Variants in RANBP3 observed in about 807,000 individuals in gnomAD.
RANBP3 encodes ran-binding protein 3.
A neutral mutation model predicts 77.3 loss-of-function variants in RANBP3; 14 were observed. That is an observed-to-expected ratio of 0.18 (90% CI 0.12 to 0.28). The LOEUF is 0.28. RANBP3 is among the 10% of genes least tolerant of loss of function. The pLI is 1.00. For synonymous variants in RANBP3, 315 were observed against 312.4 expected (o/e 1.01, Z -0.09); for missense variants, 586 against 752.3 (o/e 0.78, Z 2.59).
In RANBP3 at chr19:5,921,060, C is replaced by T. The variant is rs1011629529; in HGVS notation, c.1330+141G>A. 8 of 1,091,986 alleles carry T rather than the reference C, an allele frequency of 7.3e-6. No individual in the cohort carries two copies. The African/African-American group carries it at 1.1e-4, about 15-fold the overall frequency. The allele number at this position is 1,091,986 out of a possible 1,614,324, so 67.6% of individuals were successfully genotyped here. A position where few individuals can be genotyped will look rare whatever the true frequency, so the allele number is the denominator to read the frequency against. On this transcript the variant is annotated intron_variant, in intron 14 of 16. Coordinates refer to ENST00000340578, the MANE Select transcript of RANBP3 (RefSeq NM_007322.3). This position sits in a 1 kb window ranked among gnomAD's most constrained non-coding sequence, Gnocchi z 5.3. ...TGCAGGGAGGGGGTTTGGGGGGCGG[C>T]TCTCATGGGAGACCGACTCTGTGCC...
At position 5,972,985 on chromosome 19, in the gene RANBP3, C is replaced by T. The variant is rs140653457; in HGVS notation, c.22+5076G>A. Among the ~76,000 whole-genome samples the T allele has an allele frequency of 1.2e-3, 188 of 152,256 alleles. 4 individuals carry two copies. The Middle Eastern group carries it at 0.044, about 36-fold the overall frequency. ...CCCAGTGAGGGCTTTTCTGTCTATA[C>T]GCAGGATCCTGGGCAAAATGGAAAG... On this transcript the variant is annotated intron_variant, in intron 1 of 16. Transcript: ENST00000340578.
chr19:5,950,149 AAAG>A (rs2058257199), intron 3 of RANBP3, among the ~76,000 whole-genome samples: 1 of 152,152 alleles, frequency 6.6e-6, no homozygotes, highest in Admixed American at 6.5e-5. Flanking sequence ...TCTGCCAACA[AAAG>A]AAGGACGCAG....
chr19:5,931,434 G>A lies in RANBP3; in HGVS notation c.663C>T (p.Ser221=), dbSNP rs372606715. 3.7e-5 allele frequency: 60 copies of A among 1,612,540 alleles called. 1 individual carries two copies. Among genetic ancestry groups the A allele is most frequent in the Admixed American group, 5.0e-5 (3 of 59,986 alleles). The change falls in exon 8 of 17, where the codon TCC becomes TCT. Residue 221 remains serine (S), a synonymous_variant. Coordinates refer to ENST00000340578, the MANE Select transcript of RANBP3 (RefSeq NM_007322.3). ...GTGCACACACCTCATCGGCAGCTTC[G>A]GAAGGACTTCTCCATGCAGCAGTGT... ...SPDTAAWRSP[S]EAADEVCALE...
intron 8 of RANBP3, among the ~76,000 whole-genome samples, chr19:5,929,663 C>T (rs2057962020): frequency 6.6e-6 from 1 of 152,228 alleles, no homozygotes; most frequent in African/African-American, 2.4e-5. Flanking sequence ...CCCCCAACAT[C>T]TAAGCCCTCC....
chr19:5,926,860 C>T (rs555880867), intron 9 of RANBP3, among the ~76,000 whole-genome samples: 5 of 152,238 alleles, frequency 3.3e-5, no homozygotes, highest in South Asian at 2.1e-4. Flanking sequence ...TTCTGTTGGA[C>T]GGTGAGTAAC....
Position 5,931,521 on chromosome 19 carries a change from A to G in RANBP3, c.576T>C (p.Ser192=). 1 of 1,607,418 alleles carries G rather than the reference A, an allele frequency of 6.2e-7. No homozygotes were observed. Among genetic ancestry groups the G allele is most frequent in the Non-Finnish European group, 8.5e-7 (1 of 1,175,672 alleles). ...CTGGGAGGCTGACCCCGTTGGTGCC[A>G]CTGCTGGGGACTGTGGGAGGGAAGG... ...PKALSQTVPS[S]GTNGVSLPAD... The change falls in exon 8 of 17, where the codon AGT becomes AGC. Residue 192 remains serine, a synonymous_variant. Coordinates refer to ENST00000340578, the MANE Select transcript of RANBP3 (RefSeq NM_007322.3).
chr19:5,917,846 C>T lies in RANBP3; in HGVS notation c.1608G>A (p.Glu536=). 6.2e-7 allele frequency: 1 copy of T among 1,612,866 alleles called. No homozygotes were observed. The highest frequency in any genetic ancestry group is 2.2e-5 in the East Asian group (1 of 44,876). ...PEPGAAPSNE[E]DDSDDDDVLA... ...GGACATCGTCATCGTCGCTGTCGTC[C>T]TCCTCGTTGGATGGGGCTGCCCCAG... Residue 536 remains glutamate (E), a synonymous_variant, in exon 16 of 17, where the codon GAG becomes GAA. Transcript: ENST00000340578.
chr19:5,933,640 G>A, intron 5 of RANBP3, 161 bp from the exon 6 acceptor site: 1 of 569,028 alleles, frequency 1.8e-6, no homozygotes, highest in Non-Finnish European at 3.1e-6. Context: ...CGTCCGATCA[G>A]CAGGCCTGGA....
rs1318207564 is a variant in RANBP3, at chr19:5,916,727, T to C, written c.*883A>G. Reference sequence around the variant, plus strand: ...GCAGTTTGCGCCTGGTGCCTGATGATGGTGAACCACGTGACAGATGGAGAC... The same window carrying C: ...GCAGTTTGCGCCTGGTGCCTGATGACGGTGAACCACGTGACAGATGGAGAC... On this transcript the variant is annotated 3_prime_UTR_variant, in exon 17 of 17. Transcript: ENST00000340578. 1 of 152,688 alleles carries C rather than the reference T, an allele frequency of 6.5e-6. No homozygotes were observed. Among genetic ancestry groups the C allele is most frequent in the Non-Finnish European group, 1.5e-5 (1 of 68,428 alleles). The allele number at this position is 152,688 out of a possible 1,614,324, so 9.5% of individuals were successfully genotyped here. A position where few individuals can be genotyped will look rare whatever the true frequency, so the allele number is the denominator to read the frequency against.
chr19:5,963,305 C>T (rs2058426307), intron 1 of RANBP3, among the ~76,000 whole-genome samples: 1 of 152,144 alleles, frequency 6.6e-6, no homozygotes, highest in Non-Finnish European at 1.5e-5. Context: ...GTAATCCCAG[C>T]ACTTGGGAGG....
chr19:5,972,986 G>A (rs1353445064), intron 1 of RANBP3, among the ~76,000 whole-genome samples: 3 of 152,114 alleles, frequency 2.0e-5, no homozygotes, highest in South Asian at 4.1e-4. Context: ...CTGTCTATAC[G>A]CAGGATCCTG....
chr19:5,922,829 A>G (rs992646049), intron 13 of RANBP3, among the ~76,000 whole-genome samples: 1 of 152,150 alleles, frequency 6.6e-6, no homozygotes, highest in Non-Finnish European at 1.5e-5. Flanking sequence ...AATCCCAGCT[A>G]CTCAGGCGAC....
intron 3 of RANBP3, among the ~76,000 whole-genome samples, chr19:5,949,728 T>G (rs2058251587): frequency 6.6e-6 from 1 of 152,074 alleles, no homozygotes; most frequent in African/African-American, 2.4e-5. Flanking sequence ...AGACCCAAAG[T>G]CCATGAGAAT....
intron 6 of RANBP3, chr19:5,933,107 C>T (rs1370216413): frequency 2.6e-6 from 1 of 381,440 alleles, no homozygotes. Flanking sequence ...GGGGCCAGAA[C>T]ATGAAGGACA....
chr19:5,938,248 G>A (rs940237020), intron 5 of RANBP3, among the ~76,000 whole-genome samples: 3 of 152,210 alleles, frequency 2.0e-5, no homozygotes, highest in Non-Finnish European at 2.9e-5. Flanking sequence ...CAGAATTCAG[G>A]TTGTTAAACT....
At chr19:5,918,111 C>T (rs767360835) in intron 15 of RANBP3, 131 bp from the exon 16 acceptor site, 78 of 1,066,754 alleles carry the variant, frequency 7.3e-5, no homozygotes, top group Non-Finnish European at 1.0e-4. Flanking sequence ...AGGCCATTGG[C>T]CCTGGGCCTG....
intron 1 of RANBP3, among the ~76,000 whole-genome samples, chr19:5,969,719 CG>C (rs2058509047): frequency 6.6e-6 from 1 of 152,250 alleles, no homozygotes. Flanking sequence ...TCCATGGCCT[CG>C]GGCTTCAGCC....
At position 5,923,807 on chromosome 19, in the gene RANBP3, C is replaced by T. The variant is rs749489184; in HGVS notation, c.1099+5G>A. On this transcript the variant is annotated splice_donor_5th_base_variant and intron_variant, in intron 12 of 16. Transcript: ENST00000340578. Reference sequence around the variant, plus strand: ...GCCCCATGCTGTGGTGGGACGCTAACATACCTTTCTCAGGGGTGGCCTCCT... The same window carrying T: ...GCCCCATGCTGTGGTGGGACGCTAATATACCTTTCTCAGGGGTGGCCTCCT... 71 of 1,605,366 alleles carry T rather than the reference C, an allele frequency of 4.4e-5. No individual in the cohort carries two copies. The highest frequency in any genetic ancestry group is 5.8e-5 in the Non-Finnish European group (68 of 1,172,136).
At position 5,958,211 on chromosome 19, in the gene RANBP3, A is replaced by G. The variant is rs2058358266; in HGVS notation, c.23-238T>C. The stretch of plus-strand genomic sequence containing the variant: ...CCTCTGCTGTATGCATTTATCATCA[A>G]TAAGGAGTTTTCAAGACTCACTGAG... On this transcript the variant is annotated intron_variant, in intron 1 of 16. Transcript: ENST00000340578. The surrounding 1 kb of genome is among the most constrained non-coding windows in gnomAD (Gnocchi z 4.4). Among the ~76,000 whole-genome samples the G allele has an allele frequency of 6.6e-6, 1 of 152,164 alleles. No homozygotes were observed. The highest frequency in any genetic ancestry group is 2.4e-5 in the African/African-American group (1 of 41,440).
Sources: allele counts gnomAD v4.1 joint callset (sites outside exome capture counted in the v4.1 genomes callset), GRCh38; gene constraint gnomAD v4.1.1; non-coding constraint Gnocchi (gnomAD v3.1); transcripts MANE v1.5; gene names NCBI Gene and HGNC (gene_info 2026-07-23, HGNC 2026-07-21).